Variants in TEF observed in about 807,000 individuals in gnomAD.
TEF encodes TEF transcription factor, PAR bZIP family member.
A neutral mutation model predicts 20.8 loss-of-function variants in TEF; 3 were observed. That is an observed-to-expected ratio of 0.14 (90% CI 0.07 to 0.37). The LOEUF (loss-of-function observed/expected upper bound fraction) is 0.37. Among genes scored for constraint, TEF ranks in the 10% least tolerant of loss-of-function variants. The pLI is 1.00. For missense variants in TEF, 296 were observed against 397.9 expected (o/e 0.74, Z 2.18); for synonymous variants, 180 against 171.1 (o/e 1.05, Z -0.41).
chr22:41,368,258 TA>T (rs1335332215), intron 1 of TEF, among the ~76,000 whole-genome samples: 2 of 150,298 alleles, frequency 1.3e-5, no homozygotes, highest in South Asian at 2.1e-4. Context: ...AGAATACTGA[TA>T]AATCTCTCTC....
chr22:41,381,724 C>T (rs1057245515), upstream of TEF, among the ~76,000 whole-genome samples: 143 of 151,694 alleles, frequency 9.4e-4, no homozygotes, highest in African/African-American at 3.5e-3. Flanking sequence ...GGCGGGGCCT[C>T]CGCGAGGGTC....
At chr22:41,394,860 G>T (rs748480511) in intron 3 of TEF, among the ~76,000 whole-genome samples, 2 of 152,178 alleles carry the variant, frequency 1.3e-5, no homozygotes, top group Non-Finnish European at 2.9e-5. Context: ...GCCTAGCTGT[G>T]CCTCAAGTTC....
At chr22:41,372,903 C>T (rs919245517) in intron 1 of TEF, among the ~76,000 whole-genome samples, 4 of 152,058 alleles carry the variant, frequency 2.6e-5, no homozygotes, top group Non-Finnish European at 5.9e-5. Flanking sequence ...AAAGGCCCTT[C>T]CTGGGACAGG....
chr22:41,394,292 G>C lies in TEF; in HGVS notation c.672G>C (p.Lys224Asn). Residue 224 changes from lysine to asparagine, a missense_variant, in exon 3 of 4, where the codon AAG becomes AAC. By Grantham distance (94) the Lys-to-Asn change is moderately conservative. Coordinates refer to ENST00000266304, the MANE Select transcript of TEF (RefSeq NM_003216.4). Reference sequence around the variant, plus strand: ...AGCCTATGATCAAAAAGGCCAAGAAGGTCTTTGTCCCCGACGAGCAGAAGG... The same window carrying C: ...AGCCTATGATCAAAAAGGCCAAGAACGTCTTTGTCCCCGACGAGCAGAAGG... ...KPQPMIKKAK[K>N]VFVPDEQKDE... 6.2e-7 allele frequency: 1 copy of C among 1,613,960 alleles called. No individual in the cohort carries two copies. Among genetic ancestry groups the C allele is most frequent in the Non-Finnish European group, 8.5e-7 (1 of 1,179,996 alleles).
intron 1 of TEF, among the ~76,000 whole-genome samples, chr22:41,374,508 C>T (rs557769088): frequency 1.3e-4 from 20 of 151,182 alleles, no homozygotes; most frequent in South Asian, 1.3e-3. Flanking sequence ...GCCGAGATCG[C>T]GCCACTGCAC....
At position 41,396,873 on chromosome 22, in the gene TEF, A is replaced by C; in HGVS notation, c.*913A>C. 2 of 398,498 alleles carry C rather than the reference A, an allele frequency of 5.0e-6. No individual in the cohort carries two copies. Among genetic ancestry groups the C allele is most frequent in the Non-Finnish European group, 8.8e-6 (2 of 226,046 alleles). The allele number at this position is 398,498 out of a possible 1,614,324, so 24.7% of individuals were successfully genotyped here. A position where few individuals can be genotyped will look rare whatever the true frequency, so the allele number is the denominator to read the frequency against. ...AAACCCCTCTTATCTAGGAGGCTTT[A>C]ACTTCCTGGACCCCAGGATTCACCT... is the stretch of plus-strand genomic sequence containing the variant. On this transcript the variant is annotated 3_prime_UTR_variant, in exon 4 of 4. Coordinates refer to ENST00000266304, the MANE Select transcript of TEF (RefSeq NM_003216.4).
intron 1 of TEF, among the ~76,000 whole-genome samples, chr22:41,368,370 A>C (rs1407840845): frequency 2.6e-5 from 4 of 152,040 alleles, no homozygotes; most frequent in South Asian, 4.1e-4. Flanking sequence ...TTGCTGCCTG[A>C]GTCTGACTTG....
chr22:41,382,190 A>C lies in TEF; in HGVS notation c.146A>C (p.Glu49Ala). 9.8e-7 allele frequency: 1 copy of C among 1,016,720 alleles called. No individual in the cohort carries two copies. Among genetic ancestry groups the C allele is most frequent in the Non-Finnish European group, 1.2e-6 (1 of 861,704 alleles). 63.0% of individuals were successfully genotyped at this position (1,016,720 alleles called of 1,614,324 possible). ...AAGCTGATGGAGAACCCCCCGCGCG[A>C]GGCGCGCCTCGGTGAGGGCGGGGGG... ...LKKLMENPPR[E>A]ARLDKEKGKE... The change falls in exon 1 of 4, where the codon GAG (glutamate) becomes GCG (alanine). Residue 49 changes from glutamate (E) to alanine (A), a missense_variant. By Grantham distance (107) the Glu-to-Ala change is moderately radical. Around this residue, in one of 2 missense-constraint regions of TEF, gnomAD observed 102 missense variants for 80.1 expected, o/e 1.27. Coordinates refer to ENST00000266304, the MANE Select transcript of TEF (RefSeq NM_003216.4).
At chr22:41,386,363 C>T (rs1403273986) in intron 1 of TEF, among the ~76,000 whole-genome samples, 1 of 152,120 alleles carries the variant, frequency 6.6e-6, no homozygotes, top group African/African-American at 2.4e-5. Flanking sequence ...ATCGCTTGAA[C>T]CAGGGAGGCG....
intron 1 of TEF, chr22:41,370,135 G>A: frequency 1.0e-6 from 1 of 961,046 alleles, no homozygotes; most frequent in South Asian, 4.8e-5. Flanking sequence ...TTTTTTTTGA[G>A]ATAAGAGTCT....
At chr22:41,381,876 T>C, upstream of TEF, 1 of 1,224,568 alleles carries the variant, frequency 8.2e-7, no homozygotes, top group Non-Finnish European at 1.0e-6. Flanking sequence ...GAATAATTAA[T>C]GTGCCAGAGC....
upstream of TEF, among the ~76,000 whole-genome samples, chr22:41,381,514 C>G (rs1460420901): frequency 6.6e-6 from 1 of 152,208 alleles, no homozygotes; most frequent in Non-Finnish European, 1.5e-5. Flanking sequence ...CTGGCCGCTC[C>G]GAGCTCCGCC....
At chr22:41,392,762 C>T (rs1407491408) in intron 2 of TEF, among the ~76,000 whole-genome samples, 4 of 150,582 alleles carry the variant, frequency 2.7e-5, no homozygotes, top group Admixed American at 6.6e-5. Context: ...CCGGGCTGGA[C>T]GTGGTGGCTC....
intron 2 of TEF, among the ~76,000 whole-genome samples, chr22:41,388,429 T>C (rs961207118): frequency 2.6e-5 from 4 of 152,070 alleles, no homozygotes; most frequent in Admixed American, 1.3e-4. Flanking sequence ...GCCATATTTG[T>C]CAGGCTGGTC....
chr22:41,378,902 TTAAC>T (rs2036980182), upstream of TEF, among the ~76,000 whole-genome samples: 1 of 152,214 alleles, frequency 6.6e-6, no homozygotes, highest in Non-Finnish European at 1.5e-5. Context: ...CTGTACACAA[TTAAC>T]TATTTTCACT....
chr22:41,392,560 G>A (rs971835087), intron 2 of TEF, among the ~76,000 whole-genome samples: 9 of 149,904 alleles, frequency 6.0e-5, no homozygotes, highest in Non-Finnish European at 1.3e-4. Flanking sequence ...AGTAGTCCCA[G>A]CTACTTGGGA....
chr22:41,387,274 T>C (rs2037109343), intron 1 of TEF, 77 bp from the exon 2 acceptor site: 2 of 1,503,264 alleles, frequency 1.3e-6, no homozygotes, highest in East Asian at 4.5e-5. Context: ...GGGCCAGGCC[T>C]GTGAGGCTCA....
rs1326823162 is a variant in TEF, at chr22:41,397,055, A to G, written c.*1095A>G. 1.5e-5 allele frequency: 6 copies of G among 398,666 alleles called. No homozygotes were observed. Among genetic ancestry groups the G allele is most frequent in the Non-Finnish European group, 8.8e-6 (2 of 226,268 alleles). 24.7% of individuals were successfully genotyped at this position (398,666 alleles called of 1,614,324 possible). The stretch of plus-strand genomic sequence containing the variant: ...CCCTGGGGGCAGCTGGGGCCTCGCA[A>G]TTCTTGCTTCAGGATCTCTCCCATG... On this transcript the variant is annotated 3_prime_UTR_variant, in exon 4 of 4. Transcript: ENST00000266304.
intron 3 of TEF, among the ~76,000 whole-genome samples, 161 bp from the exon 4 acceptor site, chr22:41,395,584 G>A (rs1254946183): frequency 6.6e-6 from 1 of 152,144 alleles, no homozygotes; most frequent in Admixed American, 6.5e-5. Context: ...GGAAAGGGCA[G>A]TGCCCTCAAT....
Sources: gnomAD v4.1 joint callset for allele counts (sites outside exome capture counted in the v4.1 genomes callset) on GRCh38, gnomAD v4.1.1 for gene constraint, gnomAD v4.1.1 regional missense constraint, MANE v1.5 for transcripts, NCBI Gene and HGNC (gene_info 2026-07-23, HGNC 2026-07-21) for gene names.